The following NADSYN1 variants were observed in gnomAD, a reference collection of about 807,000 sequenced individuals.
NADSYN1 encodes the protein NAD synthetase 1.
Under a neutral mutation model 99.3 loss-of-function variants are expected in NADSYN1, and 80 were observed. That is an observed-to-expected ratio of 0.81 (90% confidence interval 0.67 to 0.97). NADSYN1 has a LOEUF of 0.97. Among genes scored for constraint, NADSYN1 ranks in the 50% least tolerant of loss-of-function variants. The pLI is 0.00. For synonymous variants in NADSYN1, 385 were observed against 372.1 expected (o/e 1.03, Z -0.40); for missense variants, 859 against 948.5 (o/e 0.91, Z 1.24).
At chr11:71,498,216 C>G (rs1196244414) in intron 19 of NADSYN1, 136 bp from the exon 20 acceptor site, 1 of 992,014 alleles carries the variant, frequency 1.0e-6, no homozygotes, top group Non-Finnish European at 1.5e-6. Context: ...GGGCATCCCC[C>G]ACACCTGCCA....
Position 71,490,223 on chromosome 11 carries a change from C to A in NADSYN1, c.1563-622C>A, listed in dbSNP as rs572493364. 9.8e-4 allele frequency among the ~76,000 whole-genome samples: 150 copies of A among 152,318 alleles called. No individual in the cohort carries two copies. In the Middle Eastern group the frequency reaches 0.017, roughly 17 times the overall value. ...TCCGTCTTCACCACCAGCGGCCTCG[C>A]GTCTCTGCCTTTCCCCTGCAGTCAG... On this transcript the variant is annotated intron_variant, in intron 16 of 20. Coordinates refer to ENST00000319023, the MANE Select transcript of NADSYN1 (RefSeq NM_018161.5).
rs11540018 is a variant in NADSYN1, at chr11:71,497,605, G to A, written c.1887G>A (p.Pro629=). ...LLGMWRHICT[P]RQVADKVKRF... Reference sequence around the variant, plus strand: ...GCATGTGGAGACACATCTGCACCCCGAGACAGGTAAAGCCTGTGAGACGCA... The same window carrying A: ...GCATGTGGAGACACATCTGCACCCCAAGACAGGTAAAGCCTGTGAGACGCA... The change falls in exon 19 of 21, where the codon CCG becomes CCA. Residue 629 remains proline, a synonymous_variant. Transcript: ENST00000319023. 2.9e-3 allele frequency: 4,614 copies of A among 1,614,072 alleles called. 122 individuals are homozygous for A. In the African/African-American group the frequency reaches 0.053, roughly 19 times the overall value.
intron 5 of NADSYN1, among the ~76,000 whole-genome samples, chr11:71,467,766 A>C (rs916425569): frequency 1.3e-5 from 2 of 152,226 alleles, no homozygotes; most frequent in African/African-American, 4.8e-5. Context: ...TTCTTGTCTC[A>C]GAAGGAGATA....
At position 71,480,845 on chromosome 11, in the gene NADSYN1, G is replaced by A. The variant is rs138969547; in HGVS notation, c.964G>A (p.Glu322Lys). 298 of 1,614,152 alleles carry A rather than the reference G, an allele frequency of 1.8e-4. 1 individual carries two copies. In the East Asian group the frequency reaches 2.5e-3, roughly 13 times the overall value. The change falls in exon 11 of 21, where the codon GAG (glutamate) becomes AAG (lysine). Residue 322 changes from glutamate to lysine, a missense_variant. Glu to Lys is a moderately conservative substitution (Grantham distance 56). Transcript: ENST00000319023. ...GCTGGCACCCATCTCTGAGCCCATC[G>A]AGTGGAAATACCACAGCCCTGAGGA... ...DLLAPISEPIEWKYHSPEEEI... is the reference protein window; with the variant it reads ...DLLAPISEPIKWKYHSPEEEI...
Position 71,476,191 on chromosome 11 carries a change from CCA to C in NADSYN1, c.798+1672_798+1673del, listed in dbSNP as rs1949664236. The C allele has an allele frequency of 6.8e-6, 3 of 441,964 alleles. No homozygotes were observed. The Admixed American group carries it at 7.3e-5, about 11-fold the overall frequency. The allele number at this position is 441,964 out of a possible 1,614,324, so 27.4% of individuals were successfully genotyped here. A position where few individuals can be genotyped will look rare whatever the true frequency, so the allele number is the denominator to read the frequency against. On this transcript the variant is annotated intron_variant, in intron 9 of 20. Transcript: ENST00000319023. ...ACACGCGGGTCCACAGCACTGCCTC[CCA>C]CACACAGCATTGCCTGACTCGTCTT... is the stretch of plus-strand genomic sequence containing the variant.
At chr11:71,476,801 C>T (rs563201399) in intron 9 of NADSYN1, 61 of 985,804 alleles carry the variant, frequency 6.2e-5, no homozygotes, top group Middle Eastern at 5.2e-4. Flanking sequence ...CCAGGACCCC[C>T]GCAGGTTCCC....
At chr11:71,495,272 C>T (rs371199107) in intron 18 of NADSYN1, among the ~76,000 whole-genome samples, 40 of 152,360 alleles carry the variant, frequency 2.6e-4, no homozygotes, top group African/African-American at 8.4e-4. Flanking sequence ...GTGACTTCCT[C>T]CTTGATCCAT....
At chr11:71,486,625 A>G (rs906629436) in intron 16 of NADSYN1, among the ~76,000 whole-genome samples, 26 of 151,046 alleles carry the variant, frequency 1.7e-4, no homozygotes, top group Middle Eastern at 3.4e-3. Context: ...CTGTCCATCC[A>G]CCCATCTGTC....
chr11:71,473,447 GGGCCGTGGCCGT>G lies in NADSYN1; in HGVS notation c.548+96_549-96del, dbSNP rs967452778. 2.8e-4 allele frequency: 437 copies of G among 1,540,050 alleles called. 4 individuals carry two copies. In the South Asian group the frequency reaches 4.0e-3, roughly 14 times the overall value. ...AGGACCTGGGACTGCAGACGTCCTG[GGGCCGTGGCCGT>G]GGCCGTGGCCGTGGGCTGGGAGCTG... On this transcript the variant is annotated intron_variant, in intron 7 of 20. Coordinates refer to ENST00000319023, the MANE Select transcript of NADSYN1 (RefSeq NM_018161.5).
intron 9 of NADSYN1, chr11:71,476,231 C>G (rs558519105): frequency 2.5e-6 from 1 of 395,760 alleles, no homozygotes; most frequent in Non-Finnish European, 5.1e-6. Context: ...GACCCGACGG[C>G]CTTCCACTCT....
intron 1 of NADSYN1, 41 bp downstream of exon 1, chr11:71,453,422 A>C (rs745874169): frequency 5.1e-6 from 8 of 1,570,146 alleles, no homozygotes; most frequent in Non-Finnish European, 6.1e-6. Context: ...GGGGTGGCGC[A>C]CGGGCACCGT....
chr11:71,494,442 T>C (rs984246329), intron 18 of NADSYN1, among the ~76,000 whole-genome samples: 1 of 152,218 alleles, frequency 6.6e-6, no homozygotes, highest in African/African-American at 2.4e-5. Context: ...GCCTTGAGGA[T>C]GTTCACACGA....
In NADSYN1 at chr11:71,483,009, G is replaced by C; in HGVS notation, c.1311G>C (p.Gln437His). ...TCTRARELAQ[Q>H]IGSHHISLNI... ...CCCGGGCCAGAGAGTTGGCCCAGCA[G>C]ATTGGAAGGTAGAGTTGGTCCCTGG... Residue 437 changes from glutamine (Q) to histidine (H), a missense_variant, in exon 14 of 21, where the codon CAG becomes CAC. Coordinates refer to ENST00000319023, the MANE Select transcript of NADSYN1 (RefSeq NM_018161.5). The C allele has an allele frequency of 2.5e-6, 4 of 1,612,052 alleles. No individual in the cohort carries two copies. Among genetic ancestry groups the C allele is most frequent in the Non-Finnish European group, 3.4e-6 (4 of 1,179,586 alleles).
intron 10 of NADSYN1, 166 bp downstream of exon 10, chr11:71,478,635 C>T: frequency 3.1e-6 from 2 of 635,790 alleles, no homozygotes; most frequent in African/African-American, 1.8e-5. Context: ...GCAGACAGAA[C>T]CTGCTTCCAT....
At chr11:71,491,797 A>G in intron 17 of NADSYN1, 37 bp from the exon 18 acceptor site, 1 of 1,604,698 alleles carries the variant, frequency 6.2e-7, no homozygotes, top group Non-Finnish European at 8.5e-7. Context: ...CCACCCTCGC[A>G]GCTGCACTGA....
intron 17 of NADSYN1, among the ~76,000 whole-genome samples, chr11:71,491,183 G>A (rs1444670578): frequency 1.3e-5 from 2 of 152,184 alleles, no homozygotes; most frequent in African/African-American, 2.4e-5. Flanking sequence ...GCCAGATCAC[G>A]GAGCTGTGGC....
chr11:71,477,362 T>C (rs1293185743), intron 9 of NADSYN1: 1 of 1,289,752 alleles, frequency 7.8e-7, no homozygotes. Flanking sequence ...GCCAGGGTGC[T>C]GTCACTTTGG....
In NADSYN1 at chr11:71,453,309, G is replaced by A. The variant is rs1445587504; in HGVS notation, c.13G>A (p.Val5Met). MGRK[V>M]TVATCALNQW... ...GACTGCGGCCAGGATGGGCCGGAAG[G>A]TGACCGTGGCCACCTGCGCACTCAA... Residue 5 changes from valine (V) to methionine (M), a missense_variant, in exon 1 of 21, where the codon GTG (valine) becomes ATG (methionine). Physicochemically the swap from Val to Met is conservative, Grantham distance 21. Transcript: ENST00000319023. The A allele has an allele frequency of 6.2e-7, 1 of 1,613,774 alleles. No individual in the cohort carries two copies. Among genetic ancestry groups the A allele is most frequent in the Non-Finnish European group, 8.5e-7 (1 of 1,179,770 alleles).
intron 9 of NADSYN1, chr11:71,476,206 C>A: frequency 2.4e-6 from 1 of 423,276 alleles, no homozygotes; most frequent in Non-Finnish European, 4.8e-6. Flanking sequence ...CACAGCATTG[C>A]CTGACTCGTC....
Sources: gnomAD v4.1 joint callset for allele counts (sites outside exome capture counted in the v4.1 genomes callset) on GRCh38, gnomAD v4.1.1 for gene constraint, MANE v1.5 for transcripts, NCBI Gene and HGNC (gene_info 2026-07-23, HGNC 2026-07-21) for gene names.